The following SDK1 variants were observed in gnomAD, a reference collection of about 807,000 sequenced individuals.
SDK1 encodes protein sidekick-1.
SDK1 carries 157 observed loss-of-function variants against 245.5 expected under a neutral mutation model. The observed-to-expected ratio is 0.64, with a 90% CI of 0.56 to 0.73. SDK1 has a LOEUF of 0.73. Ranked by LOEUF, SDK1 falls within the 30% of genes least tolerant of loss-of-function variation. The pLI, the probability that SDK1 is intolerant of heterozygous loss-of-function variation, is 0.00. For missense variants in SDK1, 3,583 were observed against 3,002.3 expected (o/e 1.19, Z -4.52); for synonymous variants, 1,647 against 1,278.5 (o/e 1.29, Z -6.15).
At chr7:3,438,629 C>G (rs1780099254) in intron 1 of SDK1, among the ~76,000 whole-genome samples, 1 of 152,098 alleles carries the variant, frequency 6.6e-6, no homozygotes, top group African/African-American at 2.4e-5. Flanking sequence ...CGGTGTCTGG[C>G]TTCAATCTGG....
chr7:3,481,506 C>T (rs1374567903), intron 1 of SDK1, among the ~76,000 whole-genome samples: 3 of 152,242 alleles, frequency 2.0e-5, no homozygotes, highest in Non-Finnish European at 4.4e-5. Flanking sequence ...AGTGAGCCTC[C>T]TGCCTGGTGG....
chr7:4,145,195 G>A (rs1027146445), intron 28 of SDK1, among the ~76,000 whole-genome samples: 4 of 152,348 alleles, frequency 2.6e-5, no homozygotes, highest in East Asian at 1.9e-4. Context: ...CCGGATGGAC[G>A]TTGCTGGGGT....
intron 4 of SDK1, among the ~76,000 whole-genome samples, chr7:3,778,003 A>T (rs886771492): frequency 3.3e-5 from 5 of 152,166 alleles, no homozygotes; most frequent in African/African-American, 1.2e-4. Flanking sequence ...ATTTTCTAAC[A>T]TGATTTTGTT....
At chr7:3,596,526 C>G (rs965818695) in intron 1 of SDK1, among the ~76,000 whole-genome samples, 4 of 152,154 alleles carry the variant, frequency 2.6e-5, no homozygotes, top group Non-Finnish European at 4.4e-5. Flanking sequence ...TAAGTTTTGA[C>G]AAACGCATGG....
chr7:3,397,584 CA>C (rs1373276822), intron 1 of SDK1, among the ~76,000 whole-genome samples: 1 of 151,544 alleles, frequency 6.6e-6, no homozygotes, highest in Non-Finnish European at 1.5e-5. Flanking sequence ...CTGTAATATG[CA>C]AGTCATTTTT....
chr7:3,434,010 G>A (rs1282295983), intron 1 of SDK1, among the ~76,000 whole-genome samples: 1 of 152,202 alleles, frequency 6.6e-6, no homozygotes, highest in African/African-American at 2.4e-5. Flanking sequence ...TCATCCCACA[G>A]ATCTGATGAT....
chr7:3,735,014 T>A (rs1197304641), intron 4 of SDK1, among the ~76,000 whole-genome samples: 1 of 152,172 alleles, frequency 6.6e-6, no homozygotes, highest in Non-Finnish European at 1.5e-5. Flanking sequence ...AGTTAAGACC[T>A]CTGTAATTAC....
intron 40 of SDK1, among the ~76,000 whole-genome samples, chr7:4,222,476 G>A (rs1785200613): frequency 6.6e-6 from 1 of 152,026 alleles, no homozygotes; most frequent in African/African-American, 2.4e-5. Flanking sequence ...TATATTTTTA[G>A]TAGAGAGGGG....
At chr7:3,411,484 T>G (rs1028661494) in intron 1 of SDK1, among the ~76,000 whole-genome samples, 1 of 152,162 alleles carries the variant, frequency 6.6e-6, no homozygotes, top group African/African-American at 2.4e-5. Flanking sequence ...TCTCCCTTTT[T>G]CAGTTCATGT....
chr7:3,364,407 C>G (rs929260264), intron 1 of SDK1, among the ~76,000 whole-genome samples: 3 of 152,108 alleles, frequency 2.0e-5, no homozygotes, highest in South Asian at 2.1e-4. Context: ...TTTAAAAGTT[C>G]TGTAGTTTTA....
intron 4 of SDK1, among the ~76,000 whole-genome samples, chr7:3,785,466 T>C (rs376536415): frequency 5.3e-5 from 8 of 152,208 alleles, no homozygotes; most frequent in African/African-American, 1.9e-4. Flanking sequence ...ATTTATGCAA[T>C]TGTGAATTGT....
chr7:3,576,157 A>C lies in SDK1; in HGVS notation c.299-42923A>C, dbSNP rs537253726. Among the ~76,000 whole-genome samples, 6 of 152,272 alleles carry C rather than the reference A, an allele frequency of 3.9e-5. No homozygotes were observed. In the East Asian group the frequency reaches 1.2e-3, roughly 29 times the overall value. On this transcript the variant is annotated intron_variant, in intron 1 of 44. Transcript: ENST00000404826. ...TGTCATCAGAATTTTCTACTAGACC[A>C]GGTGTGCTTTGGATCTCTTAAGGGA...
At chr7:3,866,591 A>C (rs372409425) in intron 5 of SDK1, among the ~76,000 whole-genome samples, 2 of 152,138 alleles carry the variant, frequency 1.3e-5, no homozygotes, top group African/African-American at 4.8e-5. Flanking sequence ...AGAACAGTGC[A>C]TGCACGCACT....
At chr7:3,821,642 T>G (rs1779648782) in intron 5 of SDK1, 59 bp downstream of exon 5, 1 of 1,571,470 alleles carries the variant, frequency 6.4e-7, no homozygotes, top group Non-Finnish European at 8.7e-7. Context: ...CTTTAATCAG[T>G]AACCACTGTC....
chr7:3,333,982 G>T (rs186844542), intron 1 of SDK1, among the ~76,000 whole-genome samples: 1 of 152,248 alleles, frequency 6.6e-6, no homozygotes, highest in East Asian at 1.9e-4. Context: ...CACCTTGGCC[G>T]CTGTCCACAA....
Position 3,913,692 on chromosome 7 carries a change from A to T in SDK1, c.848-37231A>T, listed in dbSNP as rs547174028. On this transcript the variant is annotated intron_variant, in intron 5 of 44. Transcript: ENST00000404826. The stretch of plus-strand genomic sequence containing the variant: ...CCTCATTCAATCCCAACTCTCCTAA[A>T]CCCCCTTGAGTATGTTCACCAGTGG... Among the ~76,000 whole-genome samples the T allele has an allele frequency of 2.7e-5, 4 of 150,624 alleles. 1 individual carries two copies. The highest frequency in any genetic ancestry group is 7.3e-5 in the African/African-American group (3 of 40,982).
intron 4 of SDK1, among the ~76,000 whole-genome samples, chr7:3,732,766 C>G (rs1779216050): frequency 6.6e-6 from 1 of 152,186 alleles, no homozygotes; most frequent in African/African-American, 2.4e-5. Context: ...GCCATAGCAG[C>G]TTCAATAAGC....
intron 4 of SDK1, among the ~76,000 whole-genome samples, chr7:3,760,480 C>T (rs2114988679): frequency 6.6e-6 from 1 of 152,296 alleles, no homozygotes; most frequent in African/African-American, 2.4e-5. Context: ...CATTTTATTG[C>T]ACAAAGTGAC....
At chr7:3,415,140 C>G (rs868522419) in intron 1 of SDK1, among the ~76,000 whole-genome samples, 11 of 152,080 alleles carry the variant, frequency 7.2e-5, no homozygotes, top group Middle Eastern at 3.4e-3. Flanking sequence ...GAGGTTGTAT[C>G]CAACTTTATA....
Sources: allele counts gnomAD v4.1 joint callset (sites outside exome capture counted in the v4.1 genomes callset), GRCh38; gene constraint gnomAD v4.1.1; transcripts MANE v1.5; gene names NCBI Gene and HGNC (gene_info 2026-07-23, HGNC 2026-07-21).